Variants in SLC25A40 observed in about 807,000 individuals in gnomAD.
SLC25A40 encodes the protein mitochondrial glutathione transporter SLC25A40.
In SLC25A40, 41 loss-of-function variants were observed where a neutral mutation model predicts 46.5. The ratio of observed to expected loss-of-function variants is 0.88; its 90% CI spans 0.69 to 1.14. The LOEUF is 1.14. SLC25A40 is among the 50% of genes most tolerant of loss of function. The pLI is 0.00. For synonymous variants in SLC25A40, 126 were observed against 127.5 expected (o/e 0.99, Z 0.08); for missense variants, 386 against 393.6 (o/e 0.98, Z 0.16).
Position 87,854,296 on chromosome 7 carries a change from A to G in SLC25A40, c.172T>C (p.Tyr58His), listed in dbSNP as rs1346363394. The part of the protein sequence containing the change: ...NPLPKGKCFV[Y>H]SNGLMDHLCV... Reference sequence around the variant, plus strand: ...AGATGATCCATGAGTCCATTACTATATACAAAACATTTTCCTAACAAAGAA... The same window carrying G: ...AGATGATCCATGAGTCCATTACTATGTACAAAACATTTTCCTAACAAAGAA... The change falls in exon 5 of 12, where the codon TAT becomes CAT. Residue 58 changes from tyrosine to histidine, a missense_variant. By Grantham distance (83) the Tyr-to-His change is moderately conservative. Coordinates refer to ENST00000341119, the MANE Select transcript of SLC25A40 (RefSeq NM_018843.4). The G allele has an allele frequency of 6.2e-7, 1 of 1,601,988 alleles. No individual in the cohort carries two copies. Among genetic ancestry groups the G allele is most frequent in the Non-Finnish European group, 8.5e-7 (1 of 1,173,862 alleles).
In SLC25A40 at chr7:87,847,033, C is replaced by A; in HGVS notation, c.547G>T (p.Val183Phe). The A allele has an allele frequency of 6.2e-7, 1 of 1,613,810 alleles. No homozygotes were observed. Among genetic ancestry groups the A allele is most frequent in the Non-Finnish European group, 8.5e-7 (1 of 1,179,848 alleles). ...KFSYVELHRF[V>F]SKKVSEDGWI... Reference sequence around the variant, plus strand: ...CCATCTTCAGATACTTTCTTGCTGACAAATCGATGCAGTTCCACGTAAGAA... The same window carrying A: ...CCATCTTCAGATACTTTCTTGCTGAAAAATCGATGCAGTTCCACGTAAGAA... Residue 183 changes from valine (V) to phenylalanine (F), a missense_variant, in exon 8 of 12, where the codon GTC becomes TTC. Coordinates refer to ENST00000341119, the MANE Select transcript of SLC25A40 (RefSeq NM_018843.4).
chr7:87,848,023 C>T, intron 6 of SLC25A40, 46 bp from the exon 7 acceptor site: 1 of 1,567,458 alleles, frequency 6.4e-7, no homozygotes, highest in Non-Finnish European at 8.6e-7. Context: ...TCAAAAGATC[C>T]CACATAGTCT....
intron 1 of SLC25A40, among the ~76,000 whole-genome samples, chr7:87,873,708 G>A (rs912000612): frequency 6.6e-6 from 1 of 152,076 alleles, no homozygotes; most frequent in Non-Finnish European, 1.5e-5. Context: ...GGGATTATAG[G>A]CTTGAGCCAC....
At chr7:87,871,593 A>G (rs1360538133) in intron 1 of SLC25A40, among the ~76,000 whole-genome samples, 1 of 152,246 alleles carries the variant, frequency 6.6e-6, no homozygotes, top group Non-Finnish European at 1.5e-5. Flanking sequence ...GAGATGATAC[A>G]TACGGTTTTT....
At chr7:87,873,323 T>C (rs1485517599) in intron 1 of SLC25A40, among the ~76,000 whole-genome samples, 1 of 152,086 alleles carries the variant, frequency 6.6e-6, no homozygotes, top group Admixed American at 6.5e-5. Context: ...TGTGAGGTAA[T>C]CTGAAAGATC....
intron 10 of SLC25A40, among the ~76,000 whole-genome samples, chr7:87,838,659 C>T (rs1838289669): frequency 6.6e-6 from 1 of 151,390 alleles, no homozygotes. Context: ...GGTAATCATT[C>T]TCATCTTTCT....
chr7:87,860,168 G>C (rs1311755241), intron 2 of SLC25A40: 1 of 152,118 alleles, frequency 6.6e-6, no homozygotes, highest in African/African-American at 2.4e-5. Flanking sequence ...CTGCACTCCA[G>C]CCTAGGTGAC....
Position 87,856,368 on chromosome 7 carries a change from A to G in SLC25A40, c.98-17T>C, listed in dbSNP as rs773899229. 1 of 1,598,848 alleles carries G rather than the reference A, an allele frequency of 6.3e-7. No individual in the cohort carries two copies. The highest frequency in any genetic ancestry group is 8.6e-7 in the Non-Finnish European group (1 of 1,166,156). ...GGGGTGTCACTATGAAGATATGTTA[A>G]GTTTCAATTAGCGAGTGGTATCTGT... is the stretch of plus-strand genomic sequence containing the variant. On this transcript the variant is annotated splice_polypyrimidine_tract_variant and intron_variant, in intron 3 of 11. Transcript: ENST00000341119.
intron 4 of SLC25A40, 39 bp from the exon 5 acceptor site, chr7:87,854,349 A>G (rs761787952): frequency 1.7e-5 from 20 of 1,179,138 alleles, no homozygotes; most frequent in South Asian, 9.9e-5. Context: ...ATTACCTCAC[A>G]TAACTGTTAT....
At chr7:87,836,897 C>T (rs1005954519) in intron 10 of SLC25A40, 87 bp from the exon 11 acceptor site, 19 of 693,230 alleles carry the variant, frequency 2.7e-5, no homozygotes, top group Admixed American at 7.7e-5. Context: ...ATGGCCCTTG[C>T]GGATATATCA....
At chr7:87,869,709 A>G (rs1281632112) in intron 1 of SLC25A40, among the ~76,000 whole-genome samples, 1 of 152,188 alleles carries the variant, frequency 6.6e-6, no homozygotes, top group Non-Finnish European at 1.5e-5. Context: ...ACATAAATAT[A>G]CTACAATTTA....
chr7:87,871,746 T>C (rs1178773023), intron 1 of SLC25A40, among the ~76,000 whole-genome samples: 2 of 152,220 alleles, frequency 1.3e-5, no homozygotes, highest in East Asian at 1.9e-4. Context: ...TCTATGTTTA[T>C]TAGGGATGCT....
intron 1 of SLC25A40, among the ~76,000 whole-genome samples, chr7:87,872,733 T>A (rs59058733): frequency 6.6e-6 from 1 of 152,190 alleles, no homozygotes; most frequent in African/African-American, 2.4e-5. Flanking sequence ...AGGTCGAGGC[T>A]GGCGGATCAT....
intron 4 of SLC25A40, 105 bp downstream of exon 4, chr7:87,856,187 G>GGCATC: frequency 1.0e-6 from 1 of 987,132 alleles, no homozygotes; most frequent in Non-Finnish European, 1.5e-6. Flanking sequence ...AGGATAAAGA[G>GGCATC]GCATCAATTT....
chr7:87,876,035 C>T (rs1043265337), intron 1 of SLC25A40, 61 bp downstream of exon 1: 1 of 152,320 alleles, frequency 6.6e-6, no homozygotes, highest in Non-Finnish European at 1.5e-5. Context: ...TGAGTCCGGA[C>T]TCAGCCAAAG....
chr7:87,868,741 T>C (rs997309083), intron 1 of SLC25A40, among the ~76,000 whole-genome samples: 5 of 152,188 alleles, frequency 3.3e-5, no homozygotes, highest in African/African-American at 1.2e-4. Context: ...CCTCAACATA[T>C]TCAGCTATCC....
At chr7:87,856,708 T>C (rs1422864503) in intron 3 of SLC25A40, among the ~76,000 whole-genome samples, 2 of 152,146 alleles carry the variant, frequency 1.3e-5, no homozygotes, top group African/African-American at 4.8e-5. Context: ...AAGTAATCAA[T>C]AGCCAAATGA....
At chr7:87,854,809 CA>C (rs1193322764) in intron 4 of SLC25A40, among the ~76,000 whole-genome samples, 7,439 of 53,620 alleles carry the variant, frequency 0.14, 136 homozygotes, top group Non-Finnish European at 0.18. Flanking sequence ...AAGACTGTCT[CA>C]AAAAAAAAAA....
In SLC25A40 at chr7:87,835,378, T is replaced by G. The variant is rs567709145; in HGVS notation, c.*871A>C. The G allele has an allele frequency of 6.6e-6, 1 of 151,514 alleles. No individual in the cohort carries two copies. Among genetic ancestry groups the G allele is most frequent in the Non-Finnish European group, 1.5e-5 (1 of 67,648 alleles). The allele number at this position is 151,514 out of a possible 1,614,324, so 9.4% of individuals were successfully genotyped here. On this transcript the variant is annotated 3_prime_UTR_variant, in exon 12 of 12. Coordinates refer to ENST00000341119, the MANE Select transcript of SLC25A40 (RefSeq NM_018843.4). ...AATCTGTCTTGTTAGAACAACACAA[T>G]AAAAATGACCTAGAGAATTCCATGA...
Sources: gnomAD v4.1 joint callset for allele counts (sites outside exome capture counted in the v4.1 genomes callset) on GRCh38, gnomAD v4.1.1 for gene constraint, MANE v1.5 for transcripts, NCBI Gene and HGNC (gene_info 2026-07-23, HGNC 2026-07-21) for gene names.